TNKS2: variants seen among roughly 807,000 people sequenced by gnomAD.
TNKS2 encodes the protein tankyrase 2.
TNKS2 carries 72 observed loss-of-function variants against 137.6 expected under a neutral mutation model. That is an observed-to-expected ratio of 0.52 (90% CI 0.43 to 0.64). The LOEUF (loss-of-function observed/expected upper bound fraction) is 0.64. Ranked by LOEUF, TNKS2 falls within the 30% of genes least tolerant of loss-of-function variation. The pLI, the probability that TNKS2 is intolerant of heterozygous loss-of-function variation, is 0.00. For missense variants in TNKS2, 1,049 were observed against 1,410.2 expected (o/e 0.74, Z 4.10); for synonymous variants, 516 against 512.1 (o/e 1.01, Z -0.10).
At chr10:91,826,877 T>C in intron 7 of TNKS2, 140 bp from the exon 8 acceptor site, 1 of 736,640 alleles carries the variant, frequency 1.4e-6, no homozygotes, top group South Asian at 5.0e-5. Context: ...AAATGTATAC[T>C]CATTCTGAAA....
intron 16 of TNKS2, among the ~76,000 whole-genome samples, chr10:91,843,392 CAAATT>C (rs763993093): frequency 2.8e-4 from 43 of 152,094 alleles, no homozygotes; most frequent in Non-Finnish European, 5.3e-4. Flanking sequence ...GGAAACCAGT[CAAATT>C]AGATTAGAGC....
rs762729116 is a variant in TNKS2 at position 91,820,053 on chromosome 10, CA to C, written c.728+22del. On this transcript the variant is annotated intron_variant, in intron 6 of 26. Transcript: ENST00000371627. ...TAAAGGGTAAGCATTTGAACAAAAA[CA>C]AGGACTTTTTAAATGTTACCCTCTT... 6.7e-7 allele frequency: 1 copy of C among 1,494,080 alleles called. No individual in the cohort carries two copies. The highest frequency in any genetic ancestry group is 1.4e-5 in the African/African-American group (1 of 70,390). The allele number at this position is 1,494,080 out of a possible 1,614,324, so 92.6% of individuals were successfully genotyped here.
intron 1 of TNKS2, among the ~76,000 whole-genome samples, chr10:91,810,205 A>G (rs940210278): frequency 2.0e-5 from 3 of 151,976 alleles, no homozygotes; most frequent in Non-Finnish European, 4.4e-5. Context: ...GCAATACCCC[A>G]TGTCTACTAA....
chr10:91,836,635 A>G (rs1481521802), intron 12 of TNKS2: 41 of 985,246 alleles, frequency 4.2e-5, no homozygotes, highest in Non-Finnish European at 4.8e-5. Context: ...AGAGCAGGCC[A>G]TCTTTAGTCA....
intron 12 of TNKS2, among the ~76,000 whole-genome samples, chr10:91,835,900 G>A (rs939774742): frequency 2.0e-5 from 3 of 151,706 alleles, no homozygotes; most frequent in African/African-American, 4.8e-5. Context: ...GAGCCACCAC[G>A]CCCAGCCAAC....
At chr10:91,832,832 A>G (rs1841860484) in intron 11 of TNKS2, among the ~76,000 whole-genome samples, 1 of 152,084 alleles carries the variant, frequency 6.6e-6, no homozygotes, top group African/African-American at 2.4e-5. Context: ...AATTTCAAAG[A>G]TATAACCAAG....
At chr10:91,857,601 T>C in intron 24 of TNKS2, 71 bp downstream of exon 24, 3 of 945,210 alleles carry the variant, frequency 3.2e-6, no homozygotes. Flanking sequence ...AGATATGAAA[T>C]AATAATAAGC....
intron 1 of TNKS2, among the ~76,000 whole-genome samples, chr10:91,810,893 T>TTTCTTTTC (rs1844474918): frequency 8.0e-6 from 1 of 124,300 alleles, no homozygotes. Context: ...TTCTTTTCTT[T>TTTCTTTTC]TTTCTTTTCT....
intron 8 of TNKS2, 135 bp from the exon 9 acceptor site, chr10:91,828,150 A>C (rs1845124387): frequency 2.1e-6 from 2 of 974,798 alleles, no homozygotes; most frequent in Non-Finnish European, 2.9e-6. Flanking sequence ...AATTTGGAGA[A>C]TATCTTTAGA....
intron 7 of TNKS2, among the ~76,000 whole-genome samples, chr10:91,825,093 T>TTTTTG (rs1335765683): frequency 1.3e-5 from 2 of 151,456 alleles, no homozygotes; most frequent in South Asian, 2.1e-4. Flanking sequence ...GGTTTGGTTT[T>TTTTTG]TTTTGTTTTG....
In TNKS2 at chr10:91,844,893, G is replaced by A. The variant is rs1415446823; in HGVS notation, c.2060-26G>A. The A allele has an allele frequency of 2.6e-6, 4 of 1,514,032 alleles. No individual in the cohort carries two copies. In the African/African-American group the frequency reaches 5.6e-5, roughly 21 times the overall value. 93.8% of individuals were successfully genotyped at this position (1,514,032 alleles called of 1,614,324 possible). Reference sequence around the variant, plus strand: ...GACTAAAAAAGAAAAAACAAGTAAAGTAATTTTACTTCTTTTCTAAATTAG... The same window carrying A: ...GACTAAAAAAGAAAAAACAAGTAAAATAATTTTACTTCTTTTCTAAATTAG... On this transcript the variant is annotated intron_variant, in intron 16 of 26. Transcript: ENST00000371627.
intron 11 of TNKS2, among the ~76,000 whole-genome samples, chr10:91,832,369 C>T (rs1423585786): frequency 1.3e-5 from 2 of 152,094 alleles, no homozygotes; most frequent in African/African-American, 2.4e-5. Flanking sequence ...CAGGACTTCA[C>T]GTTTTTTGGG....
intron 25 of TNKS2, among the ~76,000 whole-genome samples, chr10:91,860,161 C>CT (rs900759551): frequency 6.6e-6 from 1 of 151,556 alleles, no homozygotes; most frequent in Non-Finnish European, 1.5e-5. Flanking sequence ...CTACTTTGCA[C>CT]TTTTTTTTTC....
chr10:91,827,646 G>A (rs1845109058), intron 8 of TNKS2, among the ~76,000 whole-genome samples: 1 of 152,186 alleles, frequency 6.6e-6, no homozygotes, highest in East Asian at 1.9e-4. Flanking sequence ...TATAGCTGAA[G>A]TAGATGTAGT....
chr10:91,864,496 C>T lies in TNKS2; in HGVS notation c.*1497C>T, dbSNP rs1842930935. On this transcript the variant is annotated 3_prime_UTR_variant, in exon 27 of 27. Transcript: ENST00000371627. The stretch of plus-strand genomic sequence containing the variant: ...CCCCATCACTGTCTGTACCAGTTCA[C>T]CTTTATTTTACGTTTTATTCAGTCT... 1 of 152,454 alleles carries T rather than the reference C, an allele frequency of 6.6e-6. No individual in the cohort carries two copies. Among genetic ancestry groups the T allele is most frequent in the Non-Finnish European group, 1.5e-5 (1 of 68,016 alleles). 9.4% of individuals were successfully genotyped at this position (152,454 alleles called of 1,614,324 possible).
intron 13 of TNKS2, 34 bp downstream of exon 13, chr10:91,837,032 G>T: frequency 6.2e-7 from 1 of 1,602,042 alleles, no homozygotes; most frequent in South Asian, 1.1e-5. Flanking sequence ...GTTAACTTTG[G>T]GTTTTTATTT....
At chr10:91,814,320 T>G (rs1050754560) in intron 2 of TNKS2, among the ~76,000 whole-genome samples, 4 of 152,230 alleles carry the variant, frequency 2.6e-5, no homozygotes, top group Non-Finnish European at 4.4e-5. Flanking sequence ...AATATTTTTG[T>G]ATAGCTGTAC....
chr10:91,863,381 C>A lies in TNKS2; in HGVS notation c.*382C>A, dbSNP rs907185433. On this transcript the variant is annotated 3_prime_UTR_variant, in exon 27 of 27. Transcript: ENST00000371627. Reference sequence around the variant, plus strand: ...TAAAACACAGCATTTACACTGAATACAATTTCATTTGTAAAACTGTAAATA... The same window carrying A: ...TAAAACACAGCATTTACACTGAATAAAATTTCATTTGTAAAACTGTAAATA... 2.0e-4 allele frequency: 32 copies of A among 156,328 alleles called. No homozygotes were observed. Among genetic ancestry groups the A allele is most frequent in the Non-Finnish European group, 4.2e-5 (3 of 70,660 alleles). The allele number at this position is 156,328 out of a possible 1,614,324, so 9.7% of individuals were successfully genotyped here.
At chr10:91,803,236 G>A (rs1223146125) in intron 1 of TNKS2, among the ~76,000 whole-genome samples, 2 of 152,140 alleles carry the variant, frequency 1.3e-5, no homozygotes, top group Admixed American at 6.5e-5. Context: ...AATGAGGCCC[G>A]GGCACAGTGC....
Sources: allele counts gnomAD v4.1 joint callset (sites outside exome capture counted in the v4.1 genomes callset), GRCh38; gene constraint gnomAD v4.1.1; transcripts MANE v1.5; gene names NCBI Gene and HGNC (gene_info 2026-07-23, HGNC 2026-07-21).